Variants in TMEM178B observed in about 807,000 individuals in gnomAD.
The protein encoded by TMEM178B is transmembrane protein 178B.
A neutral mutation model predicts 31.0 loss-of-function variants in TMEM178B; 5 were observed. The ratio of observed to expected loss-of-function variants is 0.16; its 90% CI spans 0.08 to 0.34. The LOEUF is 0.34. Ranked by LOEUF, TMEM178B falls within the 10% of genes least tolerant of loss-of-function variation. The pLI, the probability that TMEM178B is intolerant of heterozygous loss-of-function variation, is 1.00. For missense variants in TMEM178B, 275 were observed against 400.3 expected, an observed-to-expected ratio of 0.69 and a Z score of 2.67; for synonymous variants, 164 against 164.0, an observed-to-expected ratio of 1.00 and a Z score of 0.00.
chr7:141,509,818 A>T, the TMEM178B span, among the ~76,000 whole-genome samples: 89 of 152,322 alleles, frequency 5.8e-4, no homozygotes, highest in African/African-American at 2.0e-3. Context: ...ATGCTCGGAA[A>T]CACTGTTGGT....
chr7:141,118,565 C>T (rs1266282928), intron 1 of TMEM178B, among the ~76,000 whole-genome samples: 2 of 152,178 alleles, frequency 1.3e-5, no homozygotes, highest in Non-Finnish European at 2.9e-5. Flanking sequence ...AGTTAAATCA[C>T]GGATCTGTGA....
intron 2 of TMEM178B, among the ~76,000 whole-genome samples, chr7:141,223,188 G>A (rs1450352287): frequency 6.6e-6 from 1 of 152,126 alleles, no homozygotes; most frequent in Non-Finnish European, 1.5e-5. Context: ...CAAGAATGTT[G>A]GACATAGAGA....
At chr7:141,368,430 A>G (rs1177023877) in intron 2 of TMEM178B, among the ~76,000 whole-genome samples, 2 of 152,238 alleles carry the variant, frequency 1.3e-5, no homozygotes, top group African/African-American at 2.4e-5. Context: ...CATAAAGTGT[A>G]TTTATCATAA....
chr7:141,423,987 T>C (rs2116657106), intron 2 of TMEM178B, among the ~76,000 whole-genome samples: 1 of 151,810 alleles, frequency 6.6e-6, no homozygotes, highest in Non-Finnish European at 1.5e-5. Context: ...TTTTTTTTTT[T>C]TTGTATTTTT....
intron 2 of TMEM178B, among the ~76,000 whole-genome samples, chr7:141,226,331 C>T (rs1797341489): frequency 6.6e-6 from 1 of 152,116 alleles, no homozygotes; most frequent in African/African-American, 2.4e-5. Flanking sequence ...GGCCGACTAC[C>T]CTTCCAGAAC....
At chr7:141,457,180 G>A (rs571240318) in intron 3 of TMEM178B, among the ~76,000 whole-genome samples, 150 of 152,276 alleles carry the variant, frequency 9.9e-4, no homozygotes, top group African/African-American at 3.5e-3. Context: ...AGCAGTGGAA[G>A]CAAGTGGAAT....
intron 3 of TMEM178B, among the ~76,000 whole-genome samples, chr7:141,440,907 C>T (rs1448514883): frequency 1.3e-5 from 2 of 152,198 alleles, no homozygotes; most frequent in Non-Finnish European, 1.5e-5. Flanking sequence ...GGGGAAAAAA[C>T]GGATGTCCAC....
chr7:141,411,330 C>A (rs977948275), intron 2 of TMEM178B, among the ~76,000 whole-genome samples: 1 of 152,064 alleles, frequency 6.6e-6, no homozygotes, highest in African/African-American at 2.4e-5. Flanking sequence ...ATGAACAGTT[C>A]TGGAAATGGG....
At chr7:141,122,775 A>G (rs1290962524) in intron 1 of TMEM178B, among the ~76,000 whole-genome samples, 1 of 152,050 alleles carries the variant, frequency 6.6e-6, no homozygotes, top group African/African-American at 2.4e-5. Flanking sequence ...TTTCTTTCCC[A>G]CTTTTCTTCT....
At chr7:141,369,593 C>A (rs1425938622) in intron 2 of TMEM178B, among the ~76,000 whole-genome samples, 1 of 152,084 alleles carries the variant, frequency 6.6e-6, no homozygotes, top group Admixed American at 6.5e-5. Context: ...GCAAGAATGC[C>A]GAGCAGGGAA....
intron 1 of TMEM178B, among the ~76,000 whole-genome samples, chr7:141,091,065 A>G (rs756390298): frequency 7.2e-5 from 11 of 152,228 alleles, no homozygotes; most frequent in Non-Finnish European, 1.2e-4. Flanking sequence ...TAAATGATTC[A>G]TATCAAGGAA....
rs762086827 is a variant in TMEM178B, at chr7:141,422,599, T to A, written c.497-15009T>A. ...TTGCCAGAGGCAGCATGAAACAGCC[T>A]CTGGCCTCATTGTTTCAGGCCACAG... is the stretch of plus-strand genomic sequence containing the variant. On this transcript the variant is annotated intron_variant, in intron 2 of 3. Coordinates refer to ENST00000565468, the MANE Select transcript of TMEM178B (RefSeq NM_001195278.2). The surrounding 1 kb of genome is among the most constrained non-coding windows in gnomAD (Gnocchi z 4.2). 2.0e-5 allele frequency among the ~76,000 whole-genome samples: 2 copies of A among 99,504 alleles called. No individual in the cohort carries two copies. Among genetic ancestry groups the A allele is most frequent in the Non-Finnish European group, 4.1e-5 (2 of 48,756 alleles). 65.3% of individuals were successfully genotyped at this position (99,504 alleles called of 152,430 possible).
At chr7:141,141,828 G>T (rs1795773912) in intron 1 of TMEM178B, among the ~76,000 whole-genome samples, 1 of 152,190 alleles carries the variant, frequency 6.6e-6, no homozygotes, top group Admixed American at 6.5e-5. Flanking sequence ...AAAAAAAGCT[G>T]AATGTATGAA....
At chr7:141,236,323 G>C (rs1258150584) in intron 2 of TMEM178B, among the ~76,000 whole-genome samples, 5 of 152,238 alleles carry the variant, frequency 3.3e-5, no homozygotes, top group African/African-American at 1.2e-4. Context: ...AAGGGAAAGA[G>C]AGGAGAAAGC....
At chr7:141,403,449 G>A (rs1274737001) in intron 2 of TMEM178B, among the ~76,000 whole-genome samples, 2 of 152,182 alleles carry the variant, frequency 1.3e-5, no homozygotes, top group Non-Finnish European at 2.9e-5. Context: ...TATAAGAAGT[G>A]TCAGAGCTCC....
At chr7:141,367,544 G>A (rs182923864) in intron 2 of TMEM178B, among the ~76,000 whole-genome samples, 1 of 152,268 alleles carries the variant, frequency 6.6e-6, no homozygotes, top group East Asian at 1.9e-4. Context: ...CAAAGTGCTG[G>A]CATAAGCCAC....
At chr7:141,337,716 C>G (rs776048816) in intron 2 of TMEM178B, among the ~76,000 whole-genome samples, 8 of 152,164 alleles carry the variant, frequency 5.3e-5, no homozygotes, top group Non-Finnish European at 1.2e-4. Context: ...CTATATAGGT[C>G]AGTGCATACT....
intron 3 of TMEM178B, among the ~76,000 whole-genome samples, chr7:141,446,812 A>C (rs1801768452): frequency 6.6e-6 from 1 of 152,164 alleles, no homozygotes; most frequent in African/African-American, 2.4e-5. Context: ...TGAAGGGCTC[A>C]CAACAATGCC....
intron 2 of TMEM178B, among the ~76,000 whole-genome samples, chr7:141,218,105 A>G (rs1382938814): frequency 6.6e-6 from 1 of 151,670 alleles, no homozygotes; most frequent in Non-Finnish European, 1.5e-5. Flanking sequence ...CACAGACACG[A>G]GCTCACTCAT....
Sources: gnomAD v4.1 joint callset for allele counts (sites outside exome capture counted in the v4.1 genomes callset) on GRCh38, gnomAD v4.1.1 for gene constraint, Gnocchi (gnomAD v3.1) non-coding constraint, MANE v1.5 for transcripts, NCBI Gene and HGNC (gene_info 2026-07-23, HGNC 2026-07-21) for gene names.